The following MED4 variants were observed in gnomAD, a reference collection of about 807,000 sequenced individuals.
MED4 encodes mediator complex subunit 4, also known as mediator of RNA polymerase II transcription subunit 4.
In MED4, 21 loss-of-function variants were observed where a neutral mutation model predicts 35.0. That is an observed-to-expected ratio of 0.60 (90% CI 0.43 to 0.86). The LOEUF (loss-of-function observed/expected upper bound fraction) is 0.86, where lower values mean the gene tolerates loss of function less well. Among genes scored for constraint, MED4 ranks in the 40% least tolerant of loss-of-function variants. The pLI is 0.00. For missense variants in MED4, 300 were observed against 319.4 expected, an observed-to-expected ratio of 0.94 and a Z score of 0.46; for synonymous variants, 138 against 114.0, an observed-to-expected ratio of 1.21 and a Z score of -1.34.
chr13:48,082,496 T>G (rs1950816476), intron 4 of MED4, among the ~76,000 whole-genome samples: 1 of 152,192 alleles, frequency 6.6e-6, no homozygotes, highest in Non-Finnish European at 1.5e-5. Context: ...TAGAGATTTG[T>G]TTCTTGCTAC....
chr13:48,082,784 G>A (rs1231835316), intron 4 of MED4, among the ~76,000 whole-genome samples: 3 of 151,196 alleles, frequency 2.0e-5, no homozygotes, highest in Admixed American at 6.6e-5. Context: ...CCGAGATCGC[G>A]CCACTGCACT....
chr13:48,082,985 G>C (rs998572086), intron 4 of MED4, among the ~76,000 whole-genome samples: 21 of 152,200 alleles, frequency 1.4e-4, no homozygotes, highest in African/African-American at 4.8e-4. Context: ...ACTTCATGAT[G>C]TTTCAGTCCC....
chr13:48,089,579 C>T (rs533462750), intron 2 of MED4, among the ~76,000 whole-genome samples: 33 of 151,276 alleles, frequency 2.2e-4, no homozygotes, highest in African/African-American at 7.7e-4. Flanking sequence ...TATGTCTCTA[C>T]CAAAAAAAAA....
At chr13:48,093,860 C>T (rs1950906882) in intron 1 of MED4, among the ~76,000 whole-genome samples, 3 of 152,276 alleles carry the variant, frequency 2.0e-5, no homozygotes, top group East Asian at 1.9e-4. Context: ...GATTATATCA[C>T]GTATATTTTA....
chr13:48,084,108 A>G (rs954450988), intron 3 of MED4, among the ~76,000 whole-genome samples: 1 of 152,096 alleles, frequency 6.6e-6, no homozygotes, highest in African/African-American at 2.4e-5. Context: ...TAAAAATACA[A>G]AAAATTTATA....
chr13:48,089,940 T>C (rs1314174571), intron 2 of MED4, among the ~76,000 whole-genome samples: 2 of 152,254 alleles, frequency 1.3e-5, no homozygotes, highest in Non-Finnish European at 2.9e-5. Context: ...TATGCTCTTT[T>C]ATTTCCCTGC....
intron 5 of MED4, among the ~76,000 whole-genome samples, chr13:48,081,081 C>G (rs1950805131): frequency 6.6e-6 from 1 of 152,248 alleles, no homozygotes; most frequent in African/African-American, 2.4e-5. Flanking sequence ...GTGGAGATAA[C>G]TACTAATATT....
chr13:48,077,328 G>C lies in MED4; in HGVS notation c.641-17C>G, dbSNP rs765736294. The stretch of plus-strand genomic sequence containing the variant: ...CAAGGACATCTGGAGAAAAAAAGAA[G>C]CATAGATAAGAACAGCTCTATCTGT... On this transcript the variant is annotated splice_polypyrimidine_tract_variant and intron_variant, in intron 6 of 6. Transcript: ENST00000258648. 7 of 1,457,482 alleles carry C rather than the reference G, an allele frequency of 4.8e-6. No homozygotes were observed. In the South Asian group the frequency reaches 1.1e-4, roughly 22 times the overall value. The allele number at this position is 1,457,482 out of a possible 1,614,324, so 90.3% of individuals were successfully genotyped here. A position where few individuals can be genotyped will look rare whatever the true frequency, so the allele number is the denominator to read the frequency against.
At chr13:48,093,496 C>T in intron 1 of MED4, 2 of 374,660 alleles carry the variant, frequency 5.3e-6, no homozygotes, top group Non-Finnish European at 1.1e-5. Flanking sequence ...ACACAAATTA[C>T]ATTCAGAGAC....
At position 48,086,191 on chromosome 13, in the gene MED4, T is replaced by C. The variant is rs183301081; in HGVS notation, c.363+91A>G. 1,559 of 1,247,114 alleles carry C rather than the reference T, an allele frequency of 1.3e-3. 4 individuals are homozygous for C. Among genetic ancestry groups the C allele is most frequent in the Middle Eastern group, 0.012 (41 of 3,564 alleles). The allele number at this position is 1,247,114 out of a possible 1,614,324, so 77.3% of individuals were successfully genotyped here. A position where few individuals can be genotyped will look rare whatever the true frequency, so the allele number is the denominator to read the frequency against. On this transcript the variant is annotated intron_variant, in intron 3 of 6. Coordinates refer to ENST00000258648, the MANE Select transcript of MED4 (RefSeq NM_014166.4). Reference sequence around the variant, plus strand: ...ACCTTTAGACTTGGAAAGTCTAGTTTTCTGCTCTTCAAAATATTGATAACA... The same window carrying C: ...ACCTTTAGACTTGGAAAGTCTAGTTCTCTGCTCTTCAAAATATTGATAACA...
Position 48,079,960 on chromosome 13 carries a change from G to C in MED4, c.524C>G (p.Pro175Arg), listed in dbSNP as rs769259004. 2 of 1,613,208 alleles carry C rather than the reference G, an allele frequency of 1.2e-6. No homozygotes were observed. The highest frequency in any genetic ancestry group is 1.7e-5 in the Admixed American group (1 of 59,936). Residue 175 changes from proline to arginine, a missense_variant, in exon 6 of 7, where the codon CCC (proline) becomes CGC (arginine). Physicochemically the swap from Pro to Arg is moderately radical, Grantham distance 103. Coordinates refer to ENST00000258648, the MANE Select transcript of MED4 (RefSeq NM_014166.4). ...TCTCATCTCTAAATCAGTTGGGTAGGGTCTCCGGGGGTCCCCTAAAACAAT... is the reference window on the plus strand; with the variant it reads ...TCTCATCTCTAAATCAGTTGGGTAGCGTCTCCGGGGGTCCCCTAAAACAAT... ...LTWVPGDPRR[P>R]YPTDLEMRSG...
At position 48,076,799 on chromosome 13, in the gene MED4, T is replaced by A. The variant is rs143144245; in HGVS notation, c.*340A>T. 1.3e-3 allele frequency: 227 copies of A among 172,274 alleles called. 1 individual carries two copies. The highest frequency in any genetic ancestry group is 7.3e-3 in the Middle Eastern group (3 of 412). The allele number at this position is 172,274 out of a possible 1,614,324, so 10.7% of individuals were successfully genotyped here. A position where few individuals can be genotyped will look rare whatever the true frequency, so the allele number is the denominator to read the frequency against. ...AATTCCAAGAAGCCTATTAGTGATA[T>A]GTATATGGATAATTTCCCTCAACTC... On this transcript the variant is annotated 3_prime_UTR_variant, in exon 7 of 7. Transcript: ENST00000258648.
At chr13:48,087,087 C>T (rs545723071) in intron 2 of MED4, among the ~76,000 whole-genome samples, 2 of 151,698 alleles carry the variant, frequency 1.3e-5, no homozygotes, top group East Asian at 3.9e-4. Flanking sequence ...CAATATAGGC[C>T]AGGCGCGGTG....
At chr13:48,083,347 A>G in intron 4 of MED4, 24 bp downstream of exon 4, 8 of 1,595,290 alleles carry the variant, frequency 5.0e-6, no homozygotes, top group Admixed American at 1.7e-5. Flanking sequence ...TTTTCAGGTC[A>G]TTCAGTCTTC....
At chr13:48,078,470 G>T (rs1013135683) in intron 6 of MED4, among the ~76,000 whole-genome samples, 1 of 152,136 alleles carries the variant, frequency 6.6e-6, no homozygotes, top group African/African-American at 2.4e-5. Context: ...GCCTCTAAAG[G>T]TGGTTTCCTA....
In MED4 at chr13:48,090,421, A is replaced by T. The variant is rs1950882287; in HGVS notation, c.126-3T>A. 1.4e-6 allele frequency: 1 copy of T among 728,418 alleles called. No individual in the cohort carries two copies. Among genetic ancestry groups the T allele is most frequent in the Middle Eastern group, 3.2e-4 (1 of 3,170 alleles). The allele number at this position is 728,418 out of a possible 1,614,324, so 45.1% of individuals were successfully genotyped here. On this transcript the variant is annotated splice_polypyrimidine_tract_variant and splice_region_variant and intron_variant, in intron 1 of 6. Transcript: ENST00000258648. ...TTGCCAGCATTTCTATAAGTTCCCT[A>T]AAAAAAAAAAACCAACAACAACAAA...
intron 3 of MED4, among the ~76,000 whole-genome samples, chr13:48,085,229 T>C (rs1416234077): frequency 5.4e-5 from 8 of 146,852 alleles, no homozygotes; most frequent in Admixed American, 1.4e-4. Flanking sequence ...TGGAATACAA[T>C]AGCGCAATCT....
In MED4 at chr13:48,077,244, A is replaced by G. The variant is rs1411297135; in HGVS notation, c.708T>C (p.His236=). The change falls in exon 7 of 7, where the codon CAT becomes CAC. Residue 236 remains histidine (H), a synonymous_variant. Transcript: ENST00000258648. ...DMSMNMLPPN[H]SSDFLLEPPG... is the part of the protein sequence containing the mutation. Reference sequence around the variant, plus strand: ...GAGGTTCCAACAAAAAGTCACTACTATGATTTGGTGGTAACATATTCATCG... The same window carrying G: ...GAGGTTCCAACAAAAAGTCACTACTGTGATTTGGTGGTAACATATTCATCG... The G allele has an allele frequency of 6.3e-7, 1 of 1,596,284 alleles. No homozygotes were observed. The highest frequency in any genetic ancestry group is 1.4e-5 in the African/African-American group (1 of 73,678).
At chr13:48,083,153 C>T (rs533332624) in intron 4 of MED4, among the ~76,000 whole-genome samples, 1 of 152,368 alleles carries the variant, frequency 6.6e-6, no homozygotes, top group East Asian at 1.9e-4. Flanking sequence ...CCATAAACTG[C>T]CTTGTATTAA....
Sources: gnomAD v4.1 joint callset for allele counts (sites outside exome capture counted in the v4.1 genomes callset) on GRCh38, gnomAD v4.1.1 for gene constraint, MANE v1.5 for transcripts, NCBI Gene and HGNC (gene_info 2026-07-23, HGNC 2026-07-21) for gene names.